SNTG1: variants seen among roughly 807,000 people sequenced by gnomAD.
The protein encoded by SNTG1 is gamma-1-syntrophin.
Under a neutral mutation model 74.7 loss-of-function variants are expected in SNTG1, and 39 were observed. The ratio of observed to expected loss-of-function variants is 0.52; its 90% CI spans 0.40 to 0.68. The LOEUF (loss-of-function observed/expected upper bound fraction) is 0.68, where lower values mean the gene tolerates loss of function less well. Among genes scored for constraint, SNTG1 ranks in the 30% least tolerant of loss-of-function variants. SNTG1 has a pLI of 0.00. For missense variants in SNTG1, 685 were observed against 609.5 expected, an observed-to-expected ratio of 1.12 and a Z score of -1.30; for synonymous variants, 254 against 217.1, an observed-to-expected ratio of 1.17 and a Z score of -1.49.
chr8:50,156,172 G>T (rs933280285), intron 1 of SNTG1, among the ~76,000 whole-genome samples: 1 of 152,060 alleles, frequency 6.6e-6, no homozygotes, highest in Non-Finnish European at 1.5e-5. Context: ...GGTACAGTTG[G>T]CTTCATTAGT....
rs1462282073 is a variant in SNTG1, at chr8:50,687,105, G to T, written c.1039-17495G>T. The stretch of plus-strand genomic sequence containing the variant: ...AGCCGAGATTGCGCCACTGCAGTCC[G>T]CAGTCCGGCCTGGGCGACAGAGCGA... On this transcript the variant is annotated intron_variant, in intron 15 of 18. Transcript: ENST00000642720. Among the ~76,000 whole-genome samples, 5 of 148,108 alleles carry T rather than the reference G, an allele frequency of 3.4e-5. No individual in the cohort carries two copies. The East Asian group carries it at 7.9e-4, about 23-fold the overall frequency.
intron 1 of SNTG1, among the ~76,000 whole-genome samples, chr8:49,949,217 A>G (rs754654311): frequency 3.3e-5 from 5 of 152,238 alleles, no homozygotes; most frequent in African/African-American, 4.8e-5. Flanking sequence ...TCTAACAAAT[A>G]CTTACCAATG....
intron 1 of SNTG1, among the ~76,000 whole-genome samples, chr8:49,992,528 T>C (rs1028567609): frequency 1.3e-5 from 2 of 152,126 alleles, no homozygotes; most frequent in Non-Finnish European, 2.9e-5. Flanking sequence ...AACTAAACCT[T>C]GGTGGGTATA....
At chr8:50,782,726 A>T (rs1463352407) in intron 18 of SNTG1, among the ~76,000 whole-genome samples, 1 of 152,132 alleles carries the variant, frequency 6.6e-6, no homozygotes, top group Non-Finnish European at 1.5e-5. Context: ...TTCTCCATCC[A>T]GCTTTGTTCC....
chr8:50,478,199 T>A (rs553576268), intron 8 of SNTG1, among the ~76,000 whole-genome samples: 1 of 152,302 alleles, frequency 6.6e-6, no homozygotes, highest in African/African-American at 2.4e-5. Context: ...TACCTATGTT[T>A]GTATACAGAA....
At chr8:50,319,029 T>G (rs1243377192) in intron 2 of SNTG1, among the ~76,000 whole-genome samples, 1 of 151,982 alleles carries the variant, frequency 6.6e-6, no homozygotes, top group African/African-American at 2.4e-5. Context: ...CATATACACA[T>G]ATATGTGAGT....
chr8:50,577,452 T>A (rs911323465), intron 12 of SNTG1, among the ~76,000 whole-genome samples: 142 of 151,656 alleles, frequency 9.4e-4, no homozygotes, highest in Non-Finnish European at 1.7e-3. Flanking sequence ...TCCATAGTTT[T>A]TTTTTTTTGT....
At chr8:49,943,213 A>G (rs1486340041) in intron 1 of SNTG1, among the ~76,000 whole-genome samples, 3 of 152,192 alleles carry the variant, frequency 2.0e-5, no homozygotes, top group Non-Finnish European at 4.4e-5. Context: ...TTGCCAAAGG[A>G]CACACACCCA....
intron 1 of SNTG1, among the ~76,000 whole-genome samples, chr8:50,028,667 C>G (rs1817486089): frequency 6.6e-6 from 1 of 151,962 alleles, no homozygotes; most frequent in Non-Finnish European, 1.5e-5. Flanking sequence ...GTGCAGCGCA[C>G]CAGCATGGCA....
chr8:50,352,709 T>C (rs1035579654), intron 2 of SNTG1, among the ~76,000 whole-genome samples: 1 of 152,166 alleles, frequency 6.6e-6, no homozygotes, highest in Non-Finnish European at 1.5e-5. Flanking sequence ...CTGGTAATTA[T>C]TCAGTATAGA....
chr8:50,685,413 T>C (rs1192339068), intron 15 of SNTG1, among the ~76,000 whole-genome samples: 5 of 151,870 alleles, frequency 3.3e-5, no homozygotes, highest in African/African-American at 1.2e-4. Flanking sequence ...AAGCCTAAAA[T>C]TGCTAATCTT....
At chr8:50,469,838 G>A (rs1240464069) in intron 8 of SNTG1, among the ~76,000 whole-genome samples, 4 of 152,138 alleles carry the variant, frequency 2.6e-5, no homozygotes, top group Non-Finnish European at 5.9e-5. Flanking sequence ...AATTAGCCAG[G>A]CGTGGTGGCG....
At chr8:49,942,032 T>C (rs1808738186) in intron 1 of SNTG1, among the ~76,000 whole-genome samples, 2 of 152,104 alleles carry the variant, frequency 1.3e-5, no homozygotes, top group South Asian at 4.1e-4. Context: ...TAATTAGAGA[T>C]AAATATAGCT....
At chr8:49,951,844 C>T (rs139045548) in intron 1 of SNTG1, among the ~76,000 whole-genome samples, 1,595 of 84,268 alleles carry the variant, frequency 0.019, 31 homozygotes, top group African/African-American at 0.058. Flanking sequence ...AACTAGAAAT[C>T]GACAACAGAA....
intron 1 of SNTG1, among the ~76,000 whole-genome samples, chr8:50,148,072 C>A (rs1488991609): frequency 1.3e-5 from 2 of 152,020 alleles, no homozygotes; most frequent in Non-Finnish European, 2.9e-5. Context: ...AAAGTTTGTA[C>A]AATTTGAGCA....
At chr8:50,665,938 G>A (rs1482243145) in intron 15 of SNTG1, among the ~76,000 whole-genome samples, 1 of 152,148 alleles carries the variant, frequency 6.6e-6, no homozygotes, top group Non-Finnish European at 1.5e-5. Flanking sequence ...GAGCACAAAA[G>A]TGACAGCATT....
chr8:50,611,320 AG>A (rs1346720045), intron 13 of SNTG1, among the ~76,000 whole-genome samples: 4 of 152,190 alleles, frequency 2.6e-5, no homozygotes, highest in Non-Finnish European at 5.9e-5. Flanking sequence ...AGGAAGCTAC[AG>A]GGCAAGGACA....
At chr8:50,017,381 T>C (rs183224310) in intron 1 of SNTG1, among the ~76,000 whole-genome samples, 5 of 151,920 alleles carry the variant, frequency 3.3e-5, no homozygotes, top group Non-Finnish European at 5.9e-5. Context: ...ATAAGGCACA[T>C]AGAAAACAAA....
chr8:50,336,351 T>C (rs28681508), intron 2 of SNTG1, among the ~76,000 whole-genome samples: 9,946 of 152,296 alleles, frequency 0.065, 353 homozygotes, highest in African/African-American at 0.072. Flanking sequence ...CCCATGTTTC[T>C]GTGCACTGCC....
Sources: gnomAD v4.1 joint callset for allele counts (sites outside exome capture counted in the v4.1 genomes callset) on GRCh38, gnomAD v4.1.1 for gene constraint, MANE v1.5 for transcripts, NCBI Gene and HGNC (gene_info 2026-07-23, HGNC 2026-07-21) for gene names.